Variants in TMEM117 observed in about 807,000 individuals in gnomAD.
TMEM117 encodes the protein transmembrane protein 117.
In TMEM117, 27 loss-of-function variants were observed where a neutral mutation model predicts 52.4. That is an observed-to-expected ratio of 0.51 (90% confidence interval 0.38 to 0.71). The LOEUF (loss-of-function observed/expected upper bound fraction) is 0.71, where lower values mean the gene tolerates loss of function less well. Among genes scored for constraint, TMEM117 ranks in the 30% least tolerant of loss-of-function variants. The pLI, the probability that TMEM117 is intolerant of heterozygous loss-of-function variation, is 0.00. For missense variants in TMEM117, 556 were observed against 630.5 expected (o/e 0.88, Z 1.26); for synonymous variants, 215 against 206.3 (o/e 1.04, Z -0.36).
At chr12:44,063,755 T>C (rs1449244580) in intron 3 of TMEM117, among the ~76,000 whole-genome samples, 1 of 151,996 alleles carries the variant, frequency 6.6e-6, no homozygotes, top group African/African-American at 2.4e-5. Context: ...ATTGTTCTTA[T>C]TTCATTTCAT....
intron 3 of TMEM117, among the ~76,000 whole-genome samples, chr12:44,105,147 T>C (rs1389206110): frequency 4.6e-5 from 7 of 151,990 alleles, no homozygotes; most frequent in African/African-American, 1.7e-4. Context: ...TTTTTGGATG[T>C]TCTGTTTGAT....
chr12:44,029,180 G>A (rs1171950780), intron 3 of TMEM117, among the ~76,000 whole-genome samples: 1 of 152,166 alleles, frequency 6.6e-6, no homozygotes, highest in African/African-American at 2.4e-5. Flanking sequence ...TGTGTTAGAG[G>A]CCTGATTTAG....
chr12:44,014,618 C>A (rs150014065), intron 3 of TMEM117, among the ~76,000 whole-genome samples: 1 of 152,254 alleles, frequency 6.6e-6, no homozygotes, highest in African/African-American at 2.4e-5. Flanking sequence ...TCAAAAGATA[C>A]GTTACACTAC....
rs149415495 is a variant in TMEM117 at position 43,986,420 on chromosome 12, C to A, written c.410+42078C>A. 6.2e-3 allele frequency among the ~76,000 whole-genome samples: 950 copies of A among 152,100 alleles called. 3 individuals carry two copies. The highest frequency in any genetic ancestry group is 0.017 in the Admixed American group (260 of 15,254). The stretch of plus-strand genomic sequence containing the variant: ...GGATTAGAATTTGACTATTATTTTC[C>A]ATCAGCACTTTGAAGACATTACTTT... On this transcript the variant is annotated intron_variant, in intron 3 of 7. Transcript: ENST00000266534.
chr12:44,028,054 A>G (rs1055593365), intron 3 of TMEM117, among the ~76,000 whole-genome samples: 1 of 152,140 alleles, frequency 6.6e-6, no homozygotes, highest in African/African-American at 2.4e-5. Flanking sequence ...TTAGCTGGGC[A>G]TGGTGATGGG....
intron 2 of TMEM117, among the ~76,000 whole-genome samples, chr12:43,940,290 C>T (rs547429168): frequency 2.6e-5 from 4 of 152,336 alleles, no homozygotes; most frequent in African/African-American, 9.6e-5. Flanking sequence ...AAACACTTCT[C>T]CTTCTCCTCT....
At chr12:44,310,280 T>G (rs1950957200) in intron 6 of TMEM117, among the ~76,000 whole-genome samples, 1 of 152,226 alleles carries the variant, frequency 6.6e-6, no homozygotes, top group Non-Finnish European at 1.5e-5. Context: ...GGAGAAACAA[T>G]GTAGCCATAA....
In TMEM117 at chr12:44,297,787, A is replaced by G. The variant is rs942351943; in HGVS notation, c.609-1793A>G. Among the ~76,000 whole-genome samples the G allele has an allele frequency of 2.0e-5, 3 of 152,350 alleles. No individual in the cohort carries two copies. The South Asian group carries it at 6.2e-4, about 32-fold the overall frequency. On this transcript the variant is annotated intron_variant, in intron 5 of 7. Coordinates refer to ENST00000266534, the MANE Select transcript of TMEM117 (RefSeq NM_032256.3). The stretch of plus-strand genomic sequence containing the variant: ...CTCAAGAAAACAAAATCAAAAACAC[A>G]TAGACTTAACCTGGAGAAAATTTTG...
At chr12:43,873,350 A>C (rs1943738581) in intron 2 of TMEM117, among the ~76,000 whole-genome samples, 1 of 152,210 alleles carries the variant, frequency 6.6e-6, no homozygotes, top group South Asian at 2.1e-4. Context: ...CACTTTAATC[A>C]AAACCTTTTA....
At chr12:43,822,439 T>G in the TMEM117 span, among the ~76,000 whole-genome samples, 2 of 152,132 alleles carry the variant, frequency 1.3e-5, no homozygotes, top group Non-Finnish European at 2.9e-5. Context: ...TGTAATTTTA[T>G]AGATGGCCAT....
intron 3 of TMEM117, among the ~76,000 whole-genome samples, chr12:44,070,872 A>G (rs890268539): frequency 6.6e-6 from 1 of 152,144 alleles, no homozygotes; most frequent in Non-Finnish European, 1.5e-5. Context: ...GCTTTTCTCT[A>G]GTTGTCCCAG....
At chr12:43,920,188 T>C (rs568462795) in intron 2 of TMEM117, among the ~76,000 whole-genome samples, 1 of 152,292 alleles carries the variant, frequency 6.6e-6, no homozygotes, top group Non-Finnish European at 1.5e-5. Context: ...CCAAATTTTA[T>C]AGATTTTATC....
chr12:44,072,227 T>A (rs935231659), intron 3 of TMEM117, among the ~76,000 whole-genome samples: 1 of 151,894 alleles, frequency 6.6e-6, no homozygotes, highest in Non-Finnish European at 1.5e-5. Flanking sequence ...AAAAAAAAAA[T>A]TAAGAGGCAA....
chr12:44,390,002 T>A (rs1952150451), downstream of TMEM117, among the ~76,000 whole-genome samples: 1 of 152,086 alleles, frequency 6.6e-6, no homozygotes. Context: ...ATTTTTTAAA[T>A]CTCTCTTGTT....
chr12:44,382,354 G>C (rs970273253), intron 7 of TMEM117, among the ~76,000 whole-genome samples: 5 of 152,140 alleles, frequency 3.3e-5, no homozygotes, highest in Non-Finnish European at 7.3e-5. Context: ...GCTTTTCACA[G>C]TTTTTCAGAT....
chr12:43,832,238 G>A (rs1565710590), upstream of TMEM117, among the ~76,000 whole-genome samples: 1 of 152,214 alleles, frequency 6.6e-6, no homozygotes, highest in Admixed American at 6.5e-5. Flanking sequence ...TGGGCCAATT[G>A]ATTTTGACCT....
At chr12:43,991,629 A>T (rs895122724) in intron 3 of TMEM117, among the ~76,000 whole-genome samples, 1 of 152,200 alleles carries the variant, frequency 6.6e-6, no homozygotes, top group Non-Finnish European at 1.5e-5. Flanking sequence ...AAGGAATCAA[A>T]TATAAAGCAC....
At chr12:44,295,331 G>A (rs1005263079) in intron 5 of TMEM117, among the ~76,000 whole-genome samples, 6 of 152,078 alleles carry the variant, frequency 3.9e-5, no homozygotes, top group African/African-American at 1.2e-4. Flanking sequence ...AGCCTCCCGA[G>A]TAGCTGGGAC....
At chr12:44,355,543 C>A (rs1951635407) in intron 6 of TMEM117, among the ~76,000 whole-genome samples, 1 of 151,942 alleles carries the variant, frequency 6.6e-6, no homozygotes, top group African/African-American at 2.4e-5. Flanking sequence ...AGGAAGTAGT[C>A]CATCCTATGG....
Sources: gnomAD v4.1 joint callset for allele counts (sites outside exome capture counted in the v4.1 genomes callset) on GRCh38, gnomAD v4.1.1 for gene constraint, MANE v1.5 for transcripts, NCBI Gene and HGNC (gene_info 2026-07-23, HGNC 2026-07-21) for gene names.